The following PARD3 variants were observed in gnomAD, a reference collection of about 807,000 sequenced individuals.
The protein encoded by PARD3 is partitioning defective 3 homolog.
Under a neutral mutation model 155.4 loss-of-function variants are expected in PARD3, and 75 were observed. The ratio of observed to expected loss-of-function variants is 0.48; its 90% CI spans 0.40 to 0.58. The LOEUF (loss-of-function observed/expected upper bound fraction) is 0.58. Among genes scored for constraint, PARD3 ranks in the 20% least tolerant of loss-of-function variants. The probability of loss-of-function intolerance (pLI) is 0.00; values close to 1 mark genes in which losing one functional copy is unlikely to be tolerated. For missense variants in PARD3, 1,642 were observed against 1,721.7 expected (o/e 0.95, Z 0.82); for synonymous variants, 576 against 610.5 (o/e 0.94, Z 0.83).
intron 2 of PARD3, among the ~76,000 whole-genome samples, chr10:34,529,955 A>C (rs934507678): frequency 4.6e-5 from 7 of 152,084 alleles, no homozygotes; most frequent in African/African-American, 1.7e-4. Flanking sequence ...GGCTGGTCTC[A>C]AACTCCTGAC....
At chr10:34,697,766 A>ACACACACAC (rs2094201048) in intron 1 of PARD3, among the ~76,000 whole-genome samples, 5 of 146,428 alleles carry the variant, frequency 3.4e-5, no homozygotes, top group African/African-American at 7.9e-5. Context: ...TTGTAAAACA[A>ACACACACAC]ACACTCACAC....
At chr10:34,495,674 G>C (rs559131142) in intron 3 of PARD3, among the ~76,000 whole-genome samples, 1 of 152,178 alleles carries the variant, frequency 6.6e-6, no homozygotes, top group Non-Finnish European at 1.5e-5. Context: ...TGTCACAGCA[G>C]AAAGTGAGGA....
At chr10:34,660,091 AT>A (rs2093282308) in intron 2 of PARD3, among the ~76,000 whole-genome samples, 1 of 152,194 alleles carries the variant, frequency 6.6e-6, no homozygotes, top group Non-Finnish European at 1.5e-5. Flanking sequence ...CTTCCCCTCT[AT>A]TGTTGAAATA....
At chr10:34,135,236 T>A (rs1947830390) in intron 22 of PARD3, among the ~76,000 whole-genome samples, 1 of 152,194 alleles carries the variant, frequency 6.6e-6, no homozygotes, top group Admixed American at 6.5e-5. Flanking sequence ...CAGACAGCTA[T>A]AAGACAGTTT....
chr10:34,241,663 A>T (rs550666682), intron 22 of PARD3, among the ~76,000 whole-genome samples: 1 of 152,296 alleles, frequency 6.6e-6, no homozygotes, highest in South Asian at 2.1e-4. Flanking sequence ...AGAACCTGAA[A>T]CGAACTGCAC....
At chr10:34,802,946 C>T (rs1397406547) in intron 1 of PARD3, among the ~76,000 whole-genome samples, 2 of 151,822 alleles carry the variant, frequency 1.3e-5, no homozygotes, top group African/African-American at 4.8e-5. Flanking sequence ...GGACTCCCGA[C>T]CAGGCACGGT....
In PARD3 at chr10:34,737,410, A is replaced by G. The variant is rs191570738; in HGVS notation, c.121-40991T>C. On this transcript the variant is annotated intron_variant, in intron 1 of 24. Coordinates refer to ENST00000374788, the MANE Select transcript of PARD3 (RefSeq NM_001184785.2). ...CAGCTGAAGTGGTGCGGTTACCTCC[A>G]CCCCAACAAGGACTAAGAAAGACGT... Among the ~76,000 whole-genome samples, 45 of 152,190 alleles carry G rather than the reference A, an allele frequency of 3.0e-4. 1 individual carries two copies. Among genetic ancestry groups the G allele is most frequent in the Admixed American group, 7.9e-4 (12 of 15,284 alleles).
chr10:34,690,421 A>G (rs1010281222), intron 2 of PARD3, among the ~76,000 whole-genome samples: 1 of 152,198 alleles, frequency 6.6e-6, no homozygotes, highest in Non-Finnish European at 1.5e-5. Flanking sequence ...CTGGCTCCAA[A>G]CATAAACTCT....
At chr10:34,557,449 C>T (rs1009366659) in intron 2 of PARD3, among the ~76,000 whole-genome samples, 1 of 151,992 alleles carries the variant, frequency 6.6e-6, no homozygotes, top group Non-Finnish European at 1.5e-5. Flanking sequence ...CCAGCCTGGG[C>T]AACACAGAGA....
chr10:34,250,603 T>A (rs1227116427), intron 22 of PARD3, among the ~76,000 whole-genome samples: 1 of 151,108 alleles, frequency 6.6e-6, no homozygotes, highest in East Asian at 1.9e-4. Context: ...ACAGACATAC[T>A]CAGTAATAAA....
At chr10:34,179,622 G>A (rs1409613888) in intron 22 of PARD3, among the ~76,000 whole-genome samples, 1 of 152,154 alleles carries the variant, frequency 6.6e-6, no homozygotes, top group African/African-American at 2.4e-5. Flanking sequence ...GACTTTCTTT[G>A]CACAACTCAT....
intron 2 of PARD3, among the ~76,000 whole-genome samples, chr10:34,550,146 C>T (rs958744389): frequency 2.6e-5 from 4 of 152,200 alleles, no homozygotes; most frequent in African/African-American, 7.2e-5. Context: ...CGAGGTAGGG[C>T]TGGATGCACA....
chr10:34,222,990 G>A (rs1413999849), intron 22 of PARD3, among the ~76,000 whole-genome samples: 1 of 152,220 alleles, frequency 6.6e-6, no homozygotes, highest in Non-Finnish European at 1.5e-5. Context: ...CGTGGGCCCG[G>A]AATTGTTCAG....
At chr10:34,733,550 C>G (rs761947558) in intron 1 of PARD3, among the ~76,000 whole-genome samples, 38 of 152,330 alleles carry the variant, frequency 2.5e-4, no homozygotes, top group Non-Finnish European at 4.6e-4. Flanking sequence ...GTGGCACCAT[C>G]TCGGCTCACC....
Position 34,269,768 on chromosome 10 carries a change from C to G in PARD3, c.3308G>C (p.Gly1103Ala). 1.2e-6 allele frequency: 2 copies of G among 1,613,960 alleles called. No individual in the cohort carries two copies. The highest frequency in any genetic ancestry group is 1.1e-5 in the South Asian group (1 of 91,080). The change falls in exon 22 of 25, where the codon GGT (glycine) becomes GCT (alanine). Residue 1103 changes from glycine to alanine, a missense_variant. Gly to Ala is a moderately conservative substitution (Grantham distance 60, BLOSUM62 0). Around this residue, in one of 3 missense-constraint regions of PARD3, gnomAD observed 1,529 missense variants for 1,587.3 expected, o/e 0.96. Coordinates refer to ENST00000374788, the MANE Select transcript of PARD3 (RefSeq NM_001184785.2). ...AGGTCTAGCGTTGAGAGCCATGGAA[C>G]CTTCATAAGAAGAAACTCCCCCATA... ...LMYGGVSSYE[G>A]SMALNARPQS...
intron 22 of PARD3, among the ~76,000 whole-genome samples, chr10:34,136,742 AT>A (rs781740158): frequency 2.0e-5 from 3 of 152,114 alleles, no homozygotes; most frequent in Non-Finnish European, 2.9e-5. Context: ...ATCTTTCCAA[AT>A]TCTACCAGTA....
chr10:34,749,796 A>T (rs1463960367), intron 1 of PARD3, among the ~76,000 whole-genome samples: 1 of 152,088 alleles, frequency 6.6e-6, no homozygotes, highest in Non-Finnish European at 1.5e-5. Context: ...GCAGGAGGGC[A>T]GATCACTTGA....
chr10:34,464,701 A>G (rs1167833681), intron 4 of PARD3, among the ~76,000 whole-genome samples: 1 of 152,206 alleles, frequency 6.6e-6, no homozygotes, highest in Admixed American at 6.5e-5. Flanking sequence ...AACATTATGT[A>G]AACTATCCAT....
intron 22 of PARD3, among the ~76,000 whole-genome samples, chr10:34,255,827 G>A (rs1480031659): frequency 1.3e-5 from 2 of 152,282 alleles, no homozygotes; most frequent in African/African-American, 2.4e-5. Context: ...GCCACTATTT[G>A]TAGCTTTTGA....
Sources: gnomAD v4.1 joint callset for allele counts (sites outside exome capture counted in the v4.1 genomes callset) on GRCh38, gnomAD v4.1.1 for gene constraint, gnomAD v4.1.1 regional missense constraint, MANE v1.5 for transcripts, NCBI Gene and HGNC (gene_info 2026-07-23, HGNC 2026-07-21) for gene names.